The following LCK variants were observed in gnomAD, a reference collection of about 807,000 sequenced individuals.
The protein encoded by LCK is tyrosine-protein kinase Lck.
LCK carries 14 observed loss-of-function variants against 64.6 expected under a neutral mutation model. The ratio of observed to expected loss-of-function variants is 0.22; its 90% CI spans 0.14 to 0.34. The LOEUF (loss-of-function observed/expected upper bound fraction) is 0.34, where lower values mean the gene tolerates loss of function less well. LCK is among the 10% of genes least tolerant of loss of function. The pLI, the probability that LCK is intolerant of heterozygous loss-of-function variation, is 1.00. For missense variants in LCK, 434 were observed against 668.1 expected, an observed-to-expected ratio of 0.65 and a Z score of 3.86; for synonymous variants, 277 against 263.6, an observed-to-expected ratio of 1.05 and a Z score of -0.49.
chr1:32,260,725 G>A (rs369489061), intron 1 of LCK, among the ~76,000 whole-genome samples: 9 of 152,004 alleles, frequency 5.9e-5, no homozygotes, highest in African/African-American at 1.9e-4. Flanking sequence ...TGGGCTCAGC[G>A]ATCCTCCTAC....
At chr1:32,269,776 A>G (rs537723220) in intron 1 of LCK, among the ~76,000 whole-genome samples, 1 of 152,038 alleles carries the variant, frequency 6.6e-6, no homozygotes, top group African/African-American at 2.4e-5. Context: ...AGGAGTCTAA[A>G]GCAAAGGAGA....
Position 32,274,450 on chromosome 1 carries a change from G to C in LCK, c.105+16G>C. 6.3e-7 allele frequency: 1 copy of C among 1,597,932 alleles called. No homozygotes were observed. The highest frequency in any genetic ancestry group is 8.6e-7 in the Non-Finnish European group (1 of 1,169,232). On this transcript the variant is annotated intron_variant, in intron 2 of 12. Transcript: ENST00000336890. ...CAAGGGCACGGTAAGAGGCGAGACA[G>C]GGGCCTTGGTGAGGGAGTTGGGTAG...
rs149549187 is a variant in LCK, at chr1:32,280,731, G to A, written c.1327+521G>A. 2.3e-4 allele frequency among the ~76,000 whole-genome samples: 35 copies of A among 152,000 alleles called. No homozygotes were observed. In the East Asian group the frequency reaches 6.4e-3, roughly 28 times the overall value. On this transcript the variant is annotated intron_variant, in intron 12 of 12. Transcript: ENST00000336890. Reference sequence around the variant, plus strand: ...CGGCCTCCCAGTGTTGGGATTACAGGCGTGAGCCACCACACCCGGCCCCAG... The same window carrying A: ...CGGCCTCCCAGTGTTGGGATTACAGACGTGAGCCACCACACCCGGCCCCAG...
chr1:32,279,710 A>T lies in LCK; in HGVS notation c.1004A>T (p.Lys335Met). 3 of 1,613,592 alleles carry T rather than the reference A, an allele frequency of 1.9e-6. No homozygotes were observed. The highest frequency in any genetic ancestry group is 2.5e-6 in the Non-Finnish European group (3 of 1,179,552). The change falls in exon 10 of 13, where the codon AAG becomes ATG. Residue 335 changes from lysine (K) to methionine (M), a missense_variant. Physicochemically the swap from Lys to Met is moderately conservative, Grantham distance 95 (BLOSUM62 -1). Transcript: ENST00000336890. ...VDFLKTPSGI[K>M]LTINKLLDMA... ...TTTCTCAAGACCCCTTCAGGCATCAAGTTGACCATCAACAAACTCCTGGAC... is the reference window on the plus strand; with the variant it reads ...TTTCTCAAGACCCCTTCAGGCATCATGTTGACCATCAACAAACTCCTGGAC...
chr1:32,279,591 A>G, intron 9 of LCK, 80 bp from the exon 10 acceptor site: 1 of 1,610,260 alleles, frequency 6.2e-7, no homozygotes, highest in Non-Finnish European at 8.5e-7. Flanking sequence ...ACACACTTCT[A>G]GACTCCCAGT....
In LCK at chr1:32,276,570, C is replaced by A. The variant is rs757804999; in HGVS notation, c.785-37C>A. The A allele has an allele frequency of 6.3e-7, 1 of 1,585,552 alleles. No individual in the cohort carries two copies. Among genetic ancestry groups the A allele is most frequent in the East Asian group, 2.3e-5 (1 of 44,438 alleles). ...GTGATGAGAGTCCCAGGACAGCTGC[C>A]TGGCGACTTTCCCACTCCTTCCCTT... On this transcript the variant is annotated intron_variant, in intron 8 of 12. Coordinates refer to ENST00000336890, the MANE Select transcript of LCK (RefSeq NM_005356.5). The surrounding 1 kb of genome is among the most constrained non-coding windows in gnomAD (Gnocchi z 4.6).
At chr1:32,280,436 TCTTTTTC>T (rs1165372386) in intron 12 of LCK, among the ~76,000 whole-genome samples, 2 of 146,920 alleles carry the variant, frequency 1.4e-5, no homozygotes, top group African/African-American at 5.1e-5. Context: ...TCTCTTTTTT[TCTTTTTC>T]TTTTTTTTTT....
intron 2 of LCK, 31 bp downstream of exon 2, chr1:32,274,465 G>C (rs1640193182): frequency 1.3e-6 from 2 of 1,559,788 alleles, no homozygotes; most frequent in Non-Finnish European, 1.8e-6. Context: ...CTTGGTGAGG[G>C]AGTTGGGTAG....
chr1:32,281,514 GTGAAAGAGCC>G (rs1170756586), intron 12 of LCK, among the ~76,000 whole-genome samples: 1 of 151,598 alleles, frequency 6.6e-6, no homozygotes, highest in Non-Finnish European at 1.5e-5. Context: ...GAGACCATTT[GTGAAAGAGCC>G]TGACTCATAG....
chr1:32,279,631 T>G (rs1370744693), intron 9 of LCK, 40 bp from the exon 10 acceptor site: 2 of 1,613,854 alleles, frequency 1.2e-6, no homozygotes, highest in South Asian at 2.2e-5. Flanking sequence ...GGCCTCCCCC[T>G]GGGGCAACTT....
At chr1:32,274,161 C>T in intron 1 of LCK, 164 bp from the exon 2 acceptor site, 8 of 1,432,654 alleles carry the variant, frequency 5.6e-6, no homozygotes, top group Non-Finnish European at 6.5e-6. Flanking sequence ...CGGTTTGGAG[C>T]TGGGACCCCC....
In LCK at chr1:32,275,644, C is replaced by T; in HGVS notation, c.453C>T (p.Phe151=). The T allele has an allele frequency of 1.3e-6, 2 of 1,569,288 alleles. No individual in the cohort carries two copies. The highest frequency in any genetic ancestry group is 2.3e-5 in the South Asian group (2 of 85,926). Residue 151 remains phenylalanine, a synonymous_variant, in exon 6 of 13, where the codon TTC becomes TTT. Transcript: ENST00000336890. This position sits in a 1 kb window ranked among gnomAD's most constrained non-coding sequence, Gnocchi z 6.9. ...LLAPGNTHGS[F]LIRESESTAG... ...CGCCCGGGAACACTCACGGCTCCTT[C>T]CTCATCCGGGAGAGCGAGAGCACCG... is the stretch of plus-strand genomic sequence containing the variant.
chr1:32,274,096 G>C (rs565698541), intron 1 of LCK: 6 of 881,472 alleles, frequency 6.8e-6, no homozygotes, highest in Non-Finnish European at 9.9e-6. Flanking sequence ...GGTGGGGCTA[G>C]GGCTCAGGGG....
At chr1:32,258,524 G>C (rs1013355637) in intron 1 of LCK, among the ~76,000 whole-genome samples, 1 of 149,586 alleles carries the variant, frequency 6.7e-6, no homozygotes, top group Admixed American at 6.7e-5. Context: ...GCTCACACCT[G>C]TAATCCCAGC....
chr1:32,260,169 G>A (rs970920063), intron 1 of LCK, among the ~76,000 whole-genome samples: 3 of 151,792 alleles, frequency 2.0e-5, no homozygotes, highest in Admixed American at 6.6e-5. Context: ...GCACCACCAC[G>A]TTCAGCTAAT....
At chr1:32,265,294 T>C (rs1639880195) in intron 1 of LCK, among the ~76,000 whole-genome samples, 1 of 152,260 alleles carries the variant, frequency 6.6e-6, no homozygotes, top group African/African-American at 2.4e-5. Flanking sequence ...TTTCAGATTT[T>C]TGAAATATTA....
At chr1:32,257,368 G>T (rs1296689610) in intron 1 of LCK, among the ~76,000 whole-genome samples, 1 of 151,700 alleles carries the variant, frequency 6.6e-6, no homozygotes, top group Non-Finnish European at 1.5e-5. Flanking sequence ...TCTCACCTCA[G>T]CCTCCCAAGT....
intron 1 of LCK, among the ~76,000 whole-genome samples, chr1:32,259,569 G>A (rs1170404242): frequency 2.0e-5 from 3 of 151,318 alleles, no homozygotes; most frequent in Admixed American, 1.3e-4. Context: ...GCAGTGAGCC[G>A]AGATTGCACC....
chr1:32,272,573 A>AAGAGAGAGAGAAAGAG (rs1640105969), intron 1 of LCK, among the ~76,000 whole-genome samples: 1 of 71,904 alleles, frequency 1.4e-5, no homozygotes. Flanking sequence ...ACCCTGTCTC[A>AAGAGAGAGAGAAAGAG]AGAGAGAGAG....
Sources: allele counts gnomAD v4.1 joint callset (sites outside exome capture counted in the v4.1 genomes callset), GRCh38; gene constraint gnomAD v4.1.1; non-coding constraint Gnocchi (gnomAD v3.1); transcripts MANE v1.5; gene names NCBI Gene and HGNC (gene_info 2026-07-23, HGNC 2026-07-21).